The following SEPTIN7 variants were observed in gnomAD, a reference collection of about 807,000 sequenced individuals.
The protein encoded by SEPTIN7 is septin-7.
In SEPTIN7, 10 loss-of-function variants were observed where a neutral mutation model predicts 63.3. The ratio of observed to expected loss-of-function variants is 0.16; its 90% CI spans 0.10 to 0.27. The LOEUF is 0.27. SEPTIN7 is among the 10% of genes least tolerant of loss of function. SEPTIN7 has a pLI of 1.00. For synonymous variants in SEPTIN7, 131 were observed against 165.3 expected (o/e 0.79, Z 1.59); for missense variants, 310 against 521.0 (o/e 0.59, Z 3.94).
intron 1 of SEPTIN7, among the ~76,000 whole-genome samples, chr7:35,808,456 G>A (rs567844231): frequency 8.5e-5 from 13 of 152,184 alleles, no homozygotes; most frequent in Non-Finnish European, 1.8e-4. Flanking sequence ...CTGCATAACC[G>A]TTACATGATA....
At chr7:35,822,014 A>C (rs1789444127) in intron 1 of SEPTIN7, among the ~76,000 whole-genome samples, 1 of 152,110 alleles carries the variant, frequency 6.6e-6, no homozygotes, top group Non-Finnish European at 1.5e-5. Flanking sequence ...ACCTCAGATG[A>C]TCCACCCGCC....
chr7:35,852,115 A>G (rs1182646929), intron 3 of SEPTIN7, among the ~76,000 whole-genome samples: 2 of 152,184 alleles, frequency 1.3e-5, no homozygotes, highest in Non-Finnish European at 2.9e-5. Flanking sequence ...TTTCATTGCA[A>G]CTACCTATTA....
chr7:35,886,147 A>G (rs779241855), intron 10 of SEPTIN7, among the ~76,000 whole-genome samples: 6 of 152,314 alleles, frequency 3.9e-5, no homozygotes, highest in Non-Finnish European at 7.3e-5. Flanking sequence ...TGAAATAACT[A>G]TGGAAAGTGA....
chr7:35,896,975 G>A (rs1459923257), intron 11 of SEPTIN7, among the ~76,000 whole-genome samples: 1 of 151,880 alleles, frequency 6.6e-6, no homozygotes, highest in African/African-American at 2.4e-5. Flanking sequence ...TAGCTCTTTT[G>A]CCTGCTTCCC....
At chr7:35,901,995 G>A (rs932401036) in intron 12 of SEPTIN7, 1 of 150,322 alleles carries the variant, frequency 6.7e-6, no homozygotes, top group East Asian at 1.9e-4. Flanking sequence ...AAGTCACTTC[G>A]GGCTTGCAAA....
At chr7:35,802,259 T>C in intron 1 of SEPTIN7, 1 of 372,442 alleles carries the variant, frequency 2.7e-6, no homozygotes, top group Non-Finnish European at 5.5e-6. Flanking sequence ...GAGTTCCATT[T>C]CAGCTGTGTG....
intron 3 of SEPTIN7, among the ~76,000 whole-genome samples, chr7:35,843,276 C>A (rs566492826): frequency 6.6e-6 from 1 of 152,278 alleles, no homozygotes; most frequent in Non-Finnish European, 1.5e-5. Flanking sequence ...TATGCAAGGC[C>A]ATTCTTCTCA....
intron 3 of SEPTIN7, chr7:35,838,419 G>T (rs1462363939): frequency 3.0e-5 from 4 of 134,056 alleles, no homozygotes; most frequent in African/African-American, 1.1e-4. Context: ...ACCCAGGCTG[G>T]AGTGTAGTGT....
intron 10 of SEPTIN7, among the ~76,000 whole-genome samples, chr7:35,888,147 GT>G (rs1787387251): frequency 6.6e-6 from 1 of 152,104 alleles, no homozygotes; most frequent in South Asian, 2.1e-4. Context: ...AACAGAAAGA[GT>G]TACGATATCA....
At chr7:35,908,648 G>C (rs945789948), downstream of SEPTIN7, among the ~76,000 whole-genome samples, 3 of 152,284 alleles carry the variant, frequency 2.0e-5, no homozygotes, top group African/African-American at 2.4e-5. Context: ...CTAGCAGAGG[G>C]GGGGTAGTCA....
At chr7:35,902,466 G>A (rs1323842724) in intron 12 of SEPTIN7, 1 of 152,070 alleles carries the variant, frequency 6.6e-6, no homozygotes, top group Non-Finnish European at 1.5e-5. Context: ...TCTGAGTGAG[G>A]TCCAGGATTC....
At chr7:35,829,327 A>C (rs1038978919) in intron 1 of SEPTIN7, among the ~76,000 whole-genome samples, 3 of 151,536 alleles carry the variant, frequency 2.0e-5, no homozygotes, top group African/African-American at 7.3e-5. Flanking sequence ...TTTTTAGTAG[A>C]GACGGGGTTT....
chr7:35,817,568 T>C (rs1789151314), intron 1 of SEPTIN7, among the ~76,000 whole-genome samples: 1 of 152,120 alleles, frequency 6.6e-6, no homozygotes, highest in Non-Finnish European at 1.5e-5. Context: ...TGCTAATTTC[T>C]ACAAGTAGGC....
chr7:35,851,052 T>C (rs548865006), intron 3 of SEPTIN7, among the ~76,000 whole-genome samples: 89 of 152,262 alleles, frequency 5.8e-4, no homozygotes, highest in African/African-American at 1.9e-3. Context: ...ACAAATATTA[T>C]TGTGACTTTC....
At chr7:35,911,052 C>T (rs996378199), downstream of SEPTIN7, among the ~76,000 whole-genome samples, 91 of 152,150 alleles carry the variant, frequency 6.0e-4, no homozygotes, top group African/African-American at 2.1e-3. Context: ...GCAGCCATGT[C>T]AAGACTGATG....
intron 5 of SEPTIN7, among the ~76,000 whole-genome samples, chr7:35,873,197 T>C (rs1786263145): frequency 6.6e-6 from 1 of 152,050 alleles, no homozygotes; most frequent in African/African-American, 2.4e-5. Flanking sequence ...GAAGTAATTA[T>C]CTTAGTATTT....
At chr7:35,888,067 C>T (rs1787378685) in intron 10 of SEPTIN7, among the ~76,000 whole-genome samples, 1 of 152,092 alleles carries the variant, frequency 6.6e-6, no homozygotes, top group Non-Finnish European at 1.5e-5. Flanking sequence ...AGGAGGAAAA[C>T]TATACAAATA....
chr7:35,877,449 T>A (rs191808656), intron 6 of SEPTIN7, among the ~76,000 whole-genome samples: 1 of 152,290 alleles, frequency 6.6e-6, no homozygotes, highest in Non-Finnish European at 1.5e-5. Context: ...TCCCCCCAGT[T>A]TTAATATATA....
In SEPTIN7 at chr7:35,851,722, G is replaced by A. The variant is rs1481518743; in HGVS notation, c.170-11830G>A. Among the ~76,000 whole-genome samples, 4 of 152,108 alleles carry A rather than the reference G, an allele frequency of 2.6e-5. No individual in the cohort carries two copies. In the South Asian group the frequency reaches 6.2e-4, roughly 24 times the overall value. Reference sequence around the variant, plus strand: ...CTTCCTTCCCTTTAGTAAAGCCAATGAACAAGGATCAATTGTAGTTATAAG... The same window carrying A: ...CTTCCTTCCCTTTAGTAAAGCCAATAAACAAGGATCAATTGTAGTTATAAG... On this transcript the variant is annotated intron_variant, in intron 3 of 13. Coordinates refer to ENST00000350320, the MANE Select transcript of SEPTIN7 (RefSeq NM_001788.6).
Sources: allele counts gnomAD v4.1 joint callset (sites outside exome capture counted in the v4.1 genomes callset), GRCh38; gene constraint gnomAD v4.1.1; transcripts MANE v1.5; gene names NCBI Gene and HGNC (gene_info 2026-07-23, HGNC 2026-07-21).